COL9A1: variants seen among roughly 807,000 people sequenced by gnomAD.
COL9A1 encodes the protein collagen type IX alpha 1 chain.
In COL9A1, 104 loss-of-function variants were observed where a neutral mutation model predicts 142.6. That is an observed-to-expected ratio of 0.73 (90% CI 0.62 to 0.86). The LOEUF is 0.86. COL9A1 is among the 40% of genes least tolerant of loss of function. COL9A1 has a pLI of 0.00. For missense variants in COL9A1, 1,210 were observed against 1,176.6 expected (o/e 1.03, Z -0.42); for synonymous variants, 466 against 396.0 (o/e 1.18, Z -2.10).
chr6:70,248,098 C>T (rs1259070104), intron 28 of COL9A1, among the ~76,000 whole-genome samples: 1 of 152,192 alleles, frequency 6.6e-6, no homozygotes, highest in Non-Finnish European at 1.5e-5. Context: ...ACCCACTCAG[C>T]AAAAGCCCTG....
At chr6:70,282,845 A>T in intron 7 of COL9A1, 53 bp downstream of exon 7, 1 of 1,613,314 alleles carries the variant, frequency 6.2e-7, no homozygotes, top group Non-Finnish European at 8.5e-7. Context: ...CTGCGCCCCG[A>T]CCTGTCCTCG....
At chr6:70,288,164 A>G (rs995207867) in intron 5 of COL9A1, among the ~76,000 whole-genome samples, 1 of 152,124 alleles carries the variant, frequency 6.6e-6, no homozygotes, top group African/African-American at 2.4e-5. Context: ...TGCTCTTCCC[A>G]CAGCGTTTCT....
intron 28 of COL9A1, chr6:70,246,375 C>CAA (rs368314723): frequency 2.0e-5 from 3 of 147,040 alleles, no homozygotes; most frequent in African/African-American, 2.5e-5. Flanking sequence ...AACAAACAAA[C>CAA]AAAAAAAAAA....
chr6:70,299,901 G>A (rs1004699063), intron 4 of COL9A1, 142 bp downstream of exon 4: 12 of 759,938 alleles, frequency 1.6e-5, no homozygotes, highest in Middle Eastern at 3.7e-4. Flanking sequence ...CTGAAGATAG[G>A]CAGGTAAATA....
At chr6:70,257,048 A>AATTTTTTTTTTTTTTTTTTTTTT (rs1562307548) in intron 20 of COL9A1, among the ~76,000 whole-genome samples, 1 of 105,018 alleles carries the variant, frequency 9.5e-6, no homozygotes. Context: ...CCACTCTGTA[A>AATTTTTTTTTTTTTTTTTTTTTT]TTTTTTTTTT....
rs569609160 is a variant in COL9A1, at chr6:70,250,358, G to A, written c.1872+1762C>T. Among the ~76,000 whole-genome samples, 74 of 152,302 alleles carry A rather than the reference G, an allele frequency of 4.9e-4. 1 individual carries two copies. The South Asian group carries it at 0.015, about 31-fold the overall frequency. Reference sequence around the variant, plus strand: ...TCAATCTTCCTGGGCTAGTCATATAGCATCTTCATTGTTTTAGAAATGTGA... The same window carrying A: ...TCAATCTTCCTGGGCTAGTCATATAACATCTTCATTGTTTTAGAAATGTGA... On this transcript the variant is annotated intron_variant, in intron 28 of 37. Coordinates refer to ENST00000357250, the MANE Select transcript of COL9A1 (RefSeq NM_001851.6).
At chr6:70,271,797 T>C in intron 13 of COL9A1, 89 bp from the exon 14 acceptor site, 1 of 1,310,368 alleles carries the variant, frequency 7.6e-7, no homozygotes, top group Non-Finnish European at 1.1e-6. Flanking sequence ...ATATTAGATT[T>C]ACATTTCTGT....
At chr6:70,229,146 A>G (rs1769396418) in intron 36 of COL9A1, among the ~76,000 whole-genome samples, 1 of 152,184 alleles carries the variant, frequency 6.6e-6, no homozygotes, top group Non-Finnish European at 1.5e-5. Flanking sequence ...TTTGGTTATC[A>G]GTCAGAGAAA....
rs1583235654 is a variant in COL9A1 at position 70,240,643 on chromosome 6, C to T, written c.2079+46G>A. ...GTATATATATATACTTCTAACAGTT[C>T]AAAATTGGTAAAGCTTCATCATTAA... On this transcript the variant is annotated intron_variant, in intron 32 of 37. Coordinates refer to ENST00000357250, the MANE Select transcript of COL9A1 (RefSeq NM_001851.6). The T allele has an allele frequency of 9.7e-6, 14 of 1,446,324 alleles. No individual in the cohort carries two copies. The East Asian group carries it at 3.2e-4, about 33-fold the overall frequency. 89.6% of individuals were successfully genotyped at this position (1,446,324 alleles called of 1,614,324 possible).
At chr6:70,260,847 TAGAC>T (rs1771635915) in intron 19 of COL9A1, 137 bp from the exon 20 acceptor site, 1 of 697,802 alleles carries the variant, frequency 1.4e-6, no homozygotes, top group Non-Finnish European at 2.4e-6. Context: ...TATATATATA[TAGAC>T]AAACATTTCT....
intron 17 of COL9A1, among the ~76,000 whole-genome samples, chr6:70,267,269 G>A (rs1296468609): frequency 1.3e-5 from 2 of 151,582 alleles, no homozygotes; most frequent in African/African-American, 4.9e-5. Context: ...TTTCTCGGAT[G>A]CACAACTTTC....
rs1275595773 is a variant in COL9A1 at position 70,263,246 on chromosome 6, G to C, written c.1393C>G (p.Pro465Ala). ...ATATTTTTTAAAAAATACTTTACTG[G>C]AGGTCCTTGAGCTCCAACTTCTCCG... Reference protein sequence around the residue: ...ELGEVGAQGPPGAQGLRGITG... With the variant: ...ELGEVGAQGPAGAQGLRGITG... Residue 465 changes from proline (P) to alanine (A), a missense_variant and splice_region_variant, in exon 19 of 38, where the codon CCA (proline) becomes GCA (alanine). By Grantham distance (27) the Pro-to-Ala change is conservative. Coordinates refer to ENST00000357250, the MANE Select transcript of COL9A1 (RefSeq NM_001851.6). The C allele has an allele frequency of 6.2e-7, 1 of 1,603,776 alleles. No individual in the cohort carries two copies. The highest frequency in any genetic ancestry group is 1.3e-5 in the African/African-American group (1 of 74,472).
intron 37 of COL9A1, among the ~76,000 whole-genome samples, chr6:70,225,080 A>G (rs1769137629): frequency 6.6e-6 from 1 of 152,222 alleles, no homozygotes; most frequent in African/African-American, 2.4e-5. Context: ...ACCATTGTGG[A>G]AGCAAGTATC....
At chr6:70,230,410 T>C (rs1769471072) in intron 36 of COL9A1, among the ~76,000 whole-genome samples, 1 of 151,902 alleles carries the variant, frequency 6.6e-6, no homozygotes. Flanking sequence ...GAGAAAGGGA[T>C]GGAGGAGGGT....
In COL9A1 at chr6:70,280,238, T is replaced by G. The variant is rs550482106; in HGVS notation, c.975+574A>C. ...AGTAATGCCAGCCAGAAAAACTCCA[T>G]GGAAAGACGAAAATCTAGTTTTGAA... On this transcript the variant is annotated intron_variant, in intron 10 of 37. Coordinates refer to ENST00000357250, the MANE Select transcript of COL9A1 (RefSeq NM_001851.6). The G allele has an allele frequency of 1.1e-4, 125 of 1,186,234 alleles. 1 individual carries two copies. The highest frequency in any genetic ancestry group is 6.1e-4 in the Middle Eastern group (2 of 3,296). 73.5% of individuals were successfully genotyped at this position (1,186,234 alleles called of 1,614,324 possible). A position where few individuals can be genotyped will look rare whatever the true frequency, so the allele number is the denominator to read the frequency against.
intron 31 of COL9A1, 50 bp from the exon 32 acceptor site, chr6:70,240,783 C>T: frequency 7.4e-7 from 1 of 1,358,366 alleles, no homozygotes; most frequent in Non-Finnish European, 1.1e-6. Flanking sequence ...GTCCCATTGC[C>T]CAATTTTAAC....
intron 37 of COL9A1, among the ~76,000 whole-genome samples, chr6:70,221,391 T>G (rs1430768447): frequency 1.3e-5 from 2 of 152,230 alleles, no homozygotes; most frequent in Non-Finnish European, 2.9e-5. Context: ...GACAAAGCAG[T>G]ATATGTTTAA....
rs1278311722 is a variant in COL9A1 at position 70,217,142 on chromosome 6, G to A, written c.2582-61C>T. On this transcript the variant is annotated intron_variant, in intron 37 of 37. Coordinates refer to ENST00000357250, the MANE Select transcript of COL9A1 (RefSeq NM_001851.6). ...GAATCCTCATTGATGCAAACTGGCA[G>A]AGGGCATGGCTCAGCAGCGCTCAGA... is the stretch of plus-strand genomic sequence containing the variant. The A allele has an allele frequency of 1.9e-6, 3 of 1,568,552 alleles. No homozygotes were observed. The African/African-American group carries it at 4.1e-5, about 21-fold the overall frequency.
At chr6:70,270,759 C>T (rs138422602) in intron 14 of COL9A1, among the ~76,000 whole-genome samples, 171 of 152,346 alleles carry the variant, frequency 1.1e-3, no homozygotes, top group African/African-American at 3.9e-3. Flanking sequence ...AGAAGGTTTG[C>T]ACTCAGTCTG....
Sources: gnomAD v4.1 joint callset for allele counts (sites outside exome capture counted in the v4.1 genomes callset) on GRCh38, gnomAD v4.1.1 for gene constraint, MANE v1.5 for transcripts, NCBI Gene and HGNC (gene_info 2026-07-23, HGNC 2026-07-21) for gene names.